The following TTC39B variants were observed in gnomAD, a reference collection of about 807,000 sequenced individuals.
The protein encoded by TTC39B is tetratricopeptide repeat protein 39B.
Under a neutral mutation model 96.6 loss-of-function variants are expected in TTC39B, and 92 were observed. The observed-to-expected ratio is 0.95, with a 90% CI of 0.80 to 1.13. The LOEUF is 1.13. Among genes scored for constraint, TTC39B ranks in the 50% most tolerant of loss-of-function variants. The probability of loss-of-function intolerance (pLI) is 0.00; values close to 1 mark genes in which losing one functional copy is unlikely to be tolerated. For missense variants in TTC39B, 955 were observed against 809.3 expected (o/e 1.18, Z -2.18); for synonymous variants, 367 against 299.4 (o/e 1.23, Z -2.33).
Position 15,199,712 on chromosome 9 carries a change from G to C in TTC39B, c.824+149C>G, listed in dbSNP as rs556012333. ...ATTGCGCCACTGCACTCCAACCTGG[G>C]TGACAGAGTGAGACTCCGTCTCAAA... On this transcript the variant is annotated intron_variant, in intron 8 of 19. Coordinates refer to ENST00000512701, the Ensembl canonical transcript of TTC39B. 1.7e-4 allele frequency: 57 copies of C among 343,744 alleles called. 1 individual carries two copies. The South Asian group carries it at 1.8e-3, about 11-fold the overall frequency. The allele number at this position is 343,744 out of a possible 1,614,324, so 21.3% of individuals were successfully genotyped here.
intron 6 of TTC39B, among the ~76,000 whole-genome samples, chr9:15,209,277 G>C (rs1674794362): frequency 6.6e-6 from 1 of 152,054 alleles, no homozygotes; most frequent in African/African-American, 2.4e-5. Flanking sequence ...CCTAGTCCCA[G>C]GGGGCACGTC....
exon 20 of TTC39B, chr9:15,170,672 G>A (rs1230729054): frequency 2.6e-5 from 4 of 152,060 alleles, no homozygotes; most frequent in African/African-American, 9.7e-5. Flanking sequence ...GGCTCCTTCT[G>A]TTAAACTGCA....
intron 1 of TTC39B, among the ~76,000 whole-genome samples, chr9:15,285,562 A>C (rs1823937433): frequency 6.6e-6 from 1 of 152,186 alleles, no homozygotes; most frequent in Non-Finnish European, 1.5e-5. Flanking sequence ...TAATTTTTAA[A>C]AGAATATACA....
intron 1 of TTC39B, among the ~76,000 whole-genome samples, chr9:15,275,444 C>T (rs867214560): frequency 5.6e-4 from 86 of 152,264 alleles, no homozygotes; most frequent in African/African-American, 1.9e-3. Flanking sequence ...AATCACAGAT[C>T]TAATAGTAGA....
At chr9:15,257,384 T>C (rs990242262) in intron 2 of TTC39B, among the ~76,000 whole-genome samples, 1 of 152,196 alleles carries the variant, frequency 6.6e-6, no homozygotes, top group African/African-American at 2.4e-5. Context: ...AGAAGCTAAG[T>C]GATTAGTATA....
At chr9:15,293,746 G>C (rs1185562556) in intron 1 of TTC39B, among the ~76,000 whole-genome samples, 3 of 152,210 alleles carry the variant, frequency 2.0e-5, no homozygotes, top group Non-Finnish European at 4.4e-5. Context: ...TTTAAGTTTG[G>C]CCTAAAGGTT....
rs75174882 is a variant in TTC39B at position 15,255,699 on chromosome 9, C to G, written c.275+12215G>C. Among the ~76,000 whole-genome samples the G allele has an allele frequency of 4.3e-3, 656 of 152,236 alleles. 3 individuals are homozygous for G. Among genetic ancestry groups the G allele is most frequent in the African/African-American group, 0.015 (628 of 41,552 alleles). ...CATTTATGCAAACGTCAAGTGAAAACTGAGTCAGCCCTTCAGAGAAAAATG... is the reference window on the plus strand; with the variant it reads ...CATTTATGCAAACGTCAAGTGAAAAGTGAGTCAGCCCTTCAGAGAAAAATG... On this transcript the variant is annotated intron_variant, in intron 2 of 19. Transcript: ENST00000512701.
chr9:15,277,418 C>CTAAA (rs1222699058), intron 1 of TTC39B, among the ~76,000 whole-genome samples: 1 of 152,176 alleles, frequency 6.6e-6, no homozygotes, highest in Non-Finnish European at 1.5e-5. Context: ...ACAAGAAACT[C>CTAAA]CGTCTAAAAA....
exon 5 of TTC39B, chr9:15,211,269 T>C: frequency 6.5e-7 from 1 of 1,541,532 alleles, no homozygotes; most frequent in Non-Finnish European, 8.7e-7. Flanking sequence ...GTCATACTTT[T>C]GGCAGGTTTG....
At chr9:15,250,096 A>G in intron 2 of TTC39B, 4 of 1,269,720 alleles carry the variant, frequency 3.2e-6, no homozygotes, top group Non-Finnish European at 1.0e-6. Context: ...GAGACTCTCA[A>G]TTCTCAGGCA....
At chr9:15,267,725 T>A (rs916296270) in intron 2 of TTC39B, among the ~76,000 whole-genome samples, 189 bp downstream of exon 2, 3 of 152,230 alleles carry the variant, frequency 2.0e-5, no homozygotes, top group Non-Finnish European at 4.4e-5. Context: ...CAGAAATGTA[T>A]CTGAAAGTAT....
intron 19 of TTC39B, among the ~76,000 whole-genome samples, chr9:15,172,406 C>G (rs376476459): frequency 2.2e-4 from 34 of 152,138 alleles, no homozygotes; most frequent in African/African-American, 7.2e-4. Context: ...AAGGGCTGTA[C>G]AAATTTTGTG....
chr9:15,234,914 C>A (rs1821699025), intron 2 of TTC39B, among the ~76,000 whole-genome samples: 1 of 151,782 alleles, frequency 6.6e-6, no homozygotes, highest in African/African-American at 2.4e-5. Context: ...GGGTCCTCTG[C>A]CTAGGAAAAC....
At chr9:15,304,788 A>C (rs145883850) in intron 1 of TTC39B, among the ~76,000 whole-genome samples, 239 of 152,274 alleles carry the variant, frequency 1.6e-3, no homozygotes, top group Middle Eastern at 0.01. Context: ...GACTTGCTCA[A>C]TCAAGGTCAA....
At chr9:15,222,829 C>A (rs149546525) in intron 3 of TTC39B, among the ~76,000 whole-genome samples, 309 of 152,300 alleles carry the variant, frequency 2.0e-3, no homozygotes, top group African/African-American at 7.1e-3. Flanking sequence ...GACACACTTT[C>A]TCTTAGAGAC....
intron 2 of TTC39B, among the ~76,000 whole-genome samples, chr9:15,264,107 G>C (rs1823038082): frequency 6.6e-6 from 1 of 152,090 alleles, no homozygotes; most frequent in Non-Finnish European, 1.5e-5. Flanking sequence ...CAGTGTTAAG[G>C]AGCTGCAGTC....
At chr9:15,232,237 G>A (rs912221659) in intron 2 of TTC39B, 6 of 152,788 alleles carry the variant, frequency 3.9e-5, no homozygotes, top group Admixed American at 2.6e-4. Flanking sequence ...CTGACCTCCA[G>A]GTCAAACTGC....
intron 17 of TTC39B, among the ~76,000 whole-genome samples, chr9:15,178,463 C>T (rs1818078869): frequency 6.6e-6 from 1 of 152,110 alleles, no homozygotes; most frequent in South Asian, 2.1e-4. Flanking sequence ...GTAGTCCCAG[C>T]TACTCAGAGA....
At chr9:15,206,781 T>C (rs1378677196) in intron 6 of TTC39B, among the ~76,000 whole-genome samples, 1 of 152,216 alleles carries the variant, frequency 6.6e-6, no homozygotes, top group African/African-American at 2.4e-5. Flanking sequence ...AGGTTCTTGC[T>C]CTGTCACCCA....
Sources: allele counts gnomAD v4.1 joint callset (sites outside exome capture counted in the v4.1 genomes callset), GRCh38; gene constraint gnomAD v4.1.1; transcripts MANE v1.5; gene names NCBI Gene and HGNC (gene_info 2026-07-23, HGNC 2026-07-21).